DYDC1: variants seen among roughly 807,000 people sequenced by gnomAD.
DYDC1 encodes the protein DPY30 domain-containing protein 1.
DYDC1 carries 21 observed loss-of-function variants against 27.9 expected under a neutral mutation model. The observed-to-expected ratio is 0.75, with a 90% CI of 0.53 to 1.08. DYDC1 has a LOEUF of 1.08. Ranked by LOEUF, DYDC1 falls within the 50% of genes least tolerant of loss-of-function variation. The pLI, the probability that DYDC1 is intolerant of heterozygous loss-of-function variation, is 0.00. For synonymous variants in DYDC1, 67 were observed against 65.8 expected (o/e 1.02, Z -0.09); for missense variants, 202 against 205.9 (o/e 0.98, Z 0.12).
chr10:80,344,683 G>C (rs1842504724), intron 3 of DYDC1: 1 of 242,612 alleles, frequency 4.1e-6, no homozygotes, highest in Admixed American at 4.8e-5. Flanking sequence ...TAGTGAATAA[G>C]TCTCACGAGA....
chr10:80,337,680 G>A (rs1406791009), intron 6 of DYDC1, among the ~76,000 whole-genome samples: 1 of 152,088 alleles, frequency 6.6e-6, no homozygotes, highest in Non-Finnish European at 1.5e-5. Flanking sequence ...TCTCCTATCT[G>A]GGTCTTCACA....
At chr10:80,352,027 A>T (rs188513516) in intron 2 of DYDC1, 25 bp from the exon 3 acceptor site, 4 of 1,606,882 alleles carry the variant, frequency 2.5e-6, no homozygotes, top group Admixed American at 3.4e-5. Flanking sequence ...AAACAACAGC[A>T]CACGACTTCT....
Position 80,342,306 on chromosome 10 carries a change from A to G in DYDC1, c.305T>C (p.Ile102Thr). ...TTCTTGAGCTCTCTGTAGTTCTTGT[A>G]TTCTCTGCCTCTCCTTTTCTTGCAT... ...LEMQEKERQR[I>T]QELQRAQEQL... is the part of the protein sequence containing the mutation. Residue 102 changes from isoleucine to threonine, a missense_variant, in exon 4 of 7, where the codon ATA becomes ACA. Coordinates refer to ENST00000372202, the MANE Select transcript of DYDC1 (RefSeq NM_001269053.2). 6.2e-7 allele frequency: 1 copy of G among 1,613,956 alleles called. No individual in the cohort carries two copies. Among genetic ancestry groups the G allele is most frequent in the Non-Finnish European group, 8.5e-7 (1 of 1,179,968 alleles).
chr10:80,336,092 G>T, downstream of DYDC1: 1 of 1,091,424 alleles, frequency 9.2e-7, no homozygotes, highest in Non-Finnish European at 1.4e-6. Flanking sequence ...AATACAAATT[G>T]GGAACCTCAT....
chr10:80,356,381 G>A, intron 1 of DYDC1: 8 of 985,788 alleles, frequency 8.1e-6, no homozygotes, highest in Non-Finnish European at 9.6e-6. Flanking sequence ...TAGCCAGCCA[G>A]CCAGCCAACT....
At chr10:80,344,272 T>C (rs151093693) in intron 3 of DYDC1, among the ~76,000 whole-genome samples, 3,302 of 152,298 alleles carry the variant, frequency 0.022, 50 homozygotes, top group Non-Finnish European at 0.031. Flanking sequence ...AATTAAAACA[T>C]GTTTTATTTC....
Position 80,352,574 on chromosome 10 carries a change from G to A in DYDC1, c.28C>T (p.Leu10Phe), listed in dbSNP as rs267602591. ...AGACCTTGAGTTAAACAGGCCCCAA[G>A]GTGCTTTTGAAGATATATTGACTCC... Reference protein sequence around the residue: MESIYLQKHLGACLTQGLAE... With the variant: MESIYLQKHFGACLTQGLAE... The change falls in exon 2 of 7, where the codon CTT (leucine) becomes TTT (phenylalanine). Residue 10 changes from leucine (L) to phenylalanine (F), a missense_variant. Transcript: ENST00000372202. 6.2e-7 allele frequency: 1 copy of A among 1,610,710 alleles called. No homozygotes were observed. Among genetic ancestry groups the A allele is most frequent in the Non-Finnish European group, 8.5e-7 (1 of 1,179,106 alleles).
chr10:80,343,117 C>A (rs1842403611), intron 3 of DYDC1, among the ~76,000 whole-genome samples: 1 of 152,080 alleles, frequency 6.6e-6, no homozygotes, highest in African/African-American at 2.4e-5. Context: ...TGGGCCAAAG[C>A]CAACCCACCT....
chr10:80,346,014 A>T (rs1329446009), intron 3 of DYDC1, among the ~76,000 whole-genome samples: 1 of 152,042 alleles, frequency 6.6e-6, no homozygotes, highest in East Asian at 1.9e-4. Context: ...TGCCTGGATA[A>T]TTTATACATT....
intron 4 of DYDC1, 58 bp downstream of exon 4, chr10:80,342,211 A>T: frequency 1.3e-6 from 2 of 1,532,736 alleles, no homozygotes; most frequent in Non-Finnish European, 1.8e-6. Flanking sequence ...TGAAATAAAC[A>T]GTTTGAAGAT....
At position 80,352,559 on chromosome 10, in the gene DYDC1, T is replaced by G; in HGVS notation, c.43A>C (p.Thr15Pro). ...YLQKHLGACL[T>P]QGLAEVARVR... ...CTTGCCACTTCTGCAAGACCTTGAG[T>G]TAAACAGGCCCCAAGGTGCTTTTGA... The change falls in exon 2 of 7, where the codon ACT (threonine) becomes CCT (proline). Residue 15 changes from threonine to proline, a missense_variant. By Grantham distance (38) the Thr-to-Pro change is conservative (BLOSUM62 -1). Transcript: ENST00000372202. 1 of 1,613,560 alleles carries G rather than the reference T, an allele frequency of 6.2e-7. No individual in the cohort carries two copies. The highest frequency in any genetic ancestry group is 8.5e-7 in the Non-Finnish European group (1 of 1,179,788).
At chr10:80,347,707 A>G (rs1264336932) in intron 3 of DYDC1, among the ~76,000 whole-genome samples, 1 of 152,096 alleles carries the variant, frequency 6.6e-6, no homozygotes, top group African/African-American at 2.4e-5. Flanking sequence ...CATTGAAGAG[A>G]CTATCCTTTT....
intron 4 of DYDC1, among the ~76,000 whole-genome samples, 191 bp downstream of exon 4, chr10:80,342,078 G>T (rs1038649642): frequency 2.0e-5 from 3 of 150,426 alleles, no homozygotes; most frequent in Non-Finnish European, 4.4e-5. Context: ...GTATTATACT[G>T]CTAGCTCTAG....
chr10:80,346,070 A>T (rs1403115198), intron 3 of DYDC1, among the ~76,000 whole-genome samples: 1 of 152,088 alleles, frequency 6.6e-6, no homozygotes, highest in Admixed American at 6.6e-5. Flanking sequence ...CTGGTCTCGA[A>T]CTCTGGACCT....
chr10:80,342,339 T>A lies in DYDC1; in HGVS notation c.272A>T (p.Glu91Val). The change falls in exon 4 of 7, where the codon GAG (glutamate) becomes GTG (valine). Residue 91 changes from glutamate (E) to valine (V), a missense_variant. Transcript: ENST00000372202. Reference sequence around the variant, plus strand: ...CCTCTCCTTTTCTTGCATTTCCAACTCTAGCTGCAATGCCAGCTGTTGCTG... The same window carrying A: ...CCTCTCCTTTTCTTGCATTTCCAACACTAGCTGCAATGCCAGCTGTTGCTG... ...LQQQQLALQL[E>V]LEMQEKERQR... is the part of the protein sequence containing the mutation. 1 of 1,613,698 alleles carries A rather than the reference T, an allele frequency of 6.2e-7. No individual in the cohort carries two copies. Among genetic ancestry groups the A allele is most frequent in the Non-Finnish European group, 8.5e-7 (1 of 1,179,916 alleles).
At chr10:80,351,777 T>G in intron 3 of DYDC1, 124 bp downstream of exon 3, 1 of 831,298 alleles carries the variant, frequency 1.2e-6, no homozygotes, top group East Asian at 2.5e-5. Flanking sequence ...TCCATAAAGA[T>G]GAAGATATTA....
intron 6 of DYDC1, chr10:80,336,532 C>T (rs1200721516): frequency 5.8e-6 from 1 of 173,238 alleles, no homozygotes; most frequent in East Asian, 1.9e-4. Context: ...TTACTCAATC[C>T]CCTTGCTTCA....
chr10:80,356,557 TCGGGAGCCCCAGGCGCGAAG>T, intron 1 of DYDC1, 135 bp downstream of exon 1: 1 of 985,462 alleles, frequency 1.0e-6, no homozygotes, highest in Non-Finnish European at 1.2e-6. Flanking sequence ...CTGGCCGCTT[TCGGGAGCCCCAGGCGCGAAG>T]CGGCCTCTCT....
At chr10:80,341,822 C>A (rs192387499) in intron 4 of DYDC1, among the ~76,000 whole-genome samples, 2 of 151,986 alleles carry the variant, frequency 1.3e-5, no homozygotes, top group African/African-American at 4.8e-5. Flanking sequence ...GTCAGGAGTT[C>A]GAGACCAACC....
Sources: gnomAD v4.1 joint callset for allele counts (sites outside exome capture counted in the v4.1 genomes callset) on GRCh38, gnomAD v4.1.1 for gene constraint, MANE v1.5 for transcripts, NCBI Gene and HGNC (gene_info 2026-07-23, HGNC 2026-07-21) for gene names.